ACOT1: variants seen among roughly 807,000 people sequenced by gnomAD.
The protein encoded by ACOT1 is acyl-coenzyme A thioesterase 1.
A neutral mutation model predicts 15.7 loss-of-function variants in ACOT1; 8 were observed. That is an observed-to-expected ratio of 0.51 (90% CI 0.30 to 0.92). The LOEUF (loss-of-function observed/expected upper bound fraction) is 0.92, where lower values mean the gene tolerates loss of function less well. ACOT1 is among the 40% of genes least tolerant of loss of function. The pLI is 0.06. For missense variants in ACOT1, 151 were observed against 539.4 expected, an observed-to-expected ratio of 0.28 and a Z score of 7.13; for synonymous variants, 67 against 241.2, an observed-to-expected ratio of 0.28 and a Z score of 6.69.
At chr14:73,526,125 G>A in the ACOT1 span, among the ~76,000 whole-genome samples, 1 of 152,168 alleles carries the variant, frequency 6.6e-6, no homozygotes, top group South Asian at 2.1e-4. Flanking sequence ...GAGAGAATCT[G>A]TGCATGTGGT....
intron 1 of ACOT1, among the ~76,000 whole-genome samples, chr14:73,538,354 C>T (rs1206891117): frequency 8.7e-6 from 1 of 114,566 alleles, no homozygotes; most frequent in African/African-American, 2.8e-5. Context: ...TGGCTCACGC[C>T]TGTAATCCCA....
chr14:73,523,237 TG>T, the ACOT1 span: 3 of 1,329,996 alleles, frequency 2.3e-6, no homozygotes, highest in Middle Eastern at 2.5e-4. Context: ...GTTAAGGGAA[TG>T]GGAGGAACTG....
chr14:73,519,025 G>A, the ACOT1 span: 1 of 1,611,744 alleles, frequency 6.2e-7, no homozygotes, highest in Non-Finnish European at 8.5e-7. Context: ...CTGCTTACAT[G>A]CTTCAGGAAT....
chr14:73,508,285 A>G, the ACOT1 span: 1 of 1,613,706 alleles, frequency 6.2e-7, no homozygotes, highest in Non-Finnish European at 8.5e-7. Context: ...CCAGCTATCC[A>G]CACTGTTACC....
Position 73,542,953 on chromosome 14 carries a change from A to C in ACOT1, c.661-97A>C. Reference sequence around the variant, plus strand: ...TGGGTAAATGGTAGAACCCAGATTCAGACTCAGGTTCAACTAACTTCCAGG... The same window carrying C: ...TGGGTAAATGGTAGAACCCAGATTCCGACTCAGGTTCAACTAACTTCCAGG... On this transcript the variant is annotated intron_variant, in intron 2 of 2. Coordinates refer to ENST00000311148, the MANE Select transcript of ACOT1 (RefSeq NM_001037161.2). 3.4e-6 allele frequency: 4 copies of C among 1,162,862 alleles called. 1 individual carries two copies. In the Admixed American group the frequency reaches 1.1e-4, roughly 31 times the overall value. The allele number at this position is 1,162,862 out of a possible 1,614,324, so 72.0% of individuals were successfully genotyped here.
the ACOT1 span, chr14:73,513,887 G>A: frequency 4.1e-6 from 3 of 734,412 alleles, no homozygotes; most frequent in Middle Eastern, 2.6e-4. Flanking sequence ...ATGTGTGAAA[G>A]GCTCTTGTCT....
At chr14:73,493,528 TAATC>T in the ACOT1 span, 5 of 193,152 alleles carry the variant, frequency 2.6e-5, no homozygotes, top group Non-Finnish European at 5.4e-5. Flanking sequence ...AGGAGCATGT[TAATC>T]AACCTCTTAA....
chr14:73,492,815 G>A, the ACOT1 span: 3 of 1,613,922 alleles, frequency 1.9e-6, no homozygotes, highest in Non-Finnish European at 2.5e-6. The surrounding 1 kb of genome is among the most constrained non-coding windows in gnomAD (Gnocchi z 4.9). Context: ...ACTGTTGCTT[G>A]GTTCTTATCC....
chr14:73,499,609 C>A, the ACOT1 span, among the ~76,000 whole-genome samples: 4 of 152,132 alleles, frequency 2.6e-5, no homozygotes, highest in South Asian at 8.3e-4. Context: ...GCCTAAAGTA[C>A]CAACCTATAT....
chr14:73,492,136 C>T, the ACOT1 span: 2 of 1,613,926 alleles, frequency 1.2e-6, no homozygotes, highest in Non-Finnish European at 8.5e-7. The surrounding 1 kb of genome is among the most constrained non-coding windows in gnomAD (Gnocchi z 4.9). Context: ...CTCTGACATC[C>T]AGCCCCAACT....
At chr14:73,522,818 C>T in the ACOT1 span, 31 of 1,614,126 alleles carry the variant, frequency 1.9e-5, no homozygotes, top group African/African-American at 5.3e-5. Flanking sequence ...TTTCTGAGGC[C>T]GGGCCTTCCT....
the ACOT1 span, chr14:73,491,752 T>A: frequency 3.2e-6 from 5 of 1,559,936 alleles, no homozygotes; most frequent in Non-Finnish European, 4.3e-6. Flanking sequence ...TCTCTACCGC[T>A]GACCTGGATT....
the ACOT1 span, chr14:73,500,473 A>G: frequency 7.0e-7 from 1 of 1,428,734 alleles, no homozygotes; most frequent in Non-Finnish European, 9.6e-7. Flanking sequence ...AATGTTGAGC[A>G]TACTGTGCAC....
At chr14:73,493,215 C>A in the ACOT1 span, 1 of 1,006,840 alleles carries the variant, frequency 9.9e-7, no homozygotes, top group Non-Finnish European at 1.6e-6. Flanking sequence ...CACCTTCAGG[C>A]TTCAGTGTAC....
At chr14:73,503,577 C>T in the ACOT1 span, among the ~76,000 whole-genome samples, 2 of 152,202 alleles carry the variant, frequency 1.3e-5, no homozygotes, top group Non-Finnish European at 2.9e-5. Flanking sequence ...TACTTGATGT[C>T]TTTGTAGTCT....
At chr14:73,509,866 A>ATATATTTATATATTTATTTATT in the ACOT1 span, among the ~76,000 whole-genome samples, 1 of 67,510 alleles carries the variant, frequency 1.5e-5, no homozygotes, top group African/African-American at 6.3e-5. Context: ...ATATATATAT[A>ATATATTTATATATTTATTTATT]TATTTATTTA....
At chr14:73,528,107 TAAG>T in the ACOT1 span, among the ~76,000 whole-genome samples, 1 of 151,290 alleles carries the variant, frequency 6.6e-6, no homozygotes, top group African/African-American at 2.4e-5. Flanking sequence ...TAGAAATTCT[TAAG>T]GAGGCTATGC....
the ACOT1 span, chr14:73,496,658 C>T: frequency 6.3e-7 from 1 of 1,586,980 alleles, no homozygotes; most frequent in Non-Finnish European, 8.7e-7. Flanking sequence ...AGTTGAGTAT[C>T]TTCATTGTCT....
At chr14:73,492,615 G>A in the ACOT1 span, 1 of 1,613,938 alleles carries the variant, frequency 6.2e-7, no homozygotes, top group Non-Finnish European at 8.5e-7. The surrounding 1 kb of genome is among the most constrained non-coding windows in gnomAD (Gnocchi z 4.9). Context: ...TGGGAGGCTG[G>A]AGAACCTGTA....
Sources: gnomAD v4.1 joint callset for allele counts (sites outside exome capture counted in the v4.1 genomes callset) on GRCh38, gnomAD v4.1.1 for gene constraint, Gnocchi (gnomAD v3.1) non-coding constraint, MANE v1.5 for transcripts, NCBI Gene and HGNC (gene_info 2026-07-23, HGNC 2026-07-21) for gene names.